Variants in TRPM4 observed in about 807,000 individuals in gnomAD.
TRPM4 encodes the protein transient receptor potential cation channel subfamily M member 4.
TRPM4 carries 124 observed loss-of-function variants against 135.6 expected under a neutral mutation model. That is an observed-to-expected ratio of 0.91 (90% CI 0.79 to 1.06). The LOEUF is 1.06. Among genes scored for constraint, TRPM4 ranks in the 50% least tolerant of loss-of-function variants. The probability of loss-of-function intolerance (pLI) is 0.00; values close to 1 mark genes in which losing one functional copy is unlikely to be tolerated. For synonymous variants in TRPM4, 745 were observed against 705.6 expected (o/e 1.06, Z -0.88); for missense variants, 1,658 against 1,671.4 (o/e 0.99, Z 0.14).
In TRPM4 at chr19:49,211,362, T is replaced by A; in HGVS notation, c.3640+93T>A. ...TCGGCACCTTTCCAGTGTCCCTGGG[T>A]CACTCTCTTGGTCTCCTTTGAGCCT... On this transcript the variant is annotated intron_variant, in intron 24 of 24. Transcript: ENST00000252826. This position sits in a 1 kb window ranked among gnomAD's most constrained non-coding sequence, Gnocchi z 4.8. 1 of 1,564,484 alleles carries A rather than the reference T, an allele frequency of 6.4e-7. No homozygotes were observed. Among genetic ancestry groups the A allele is most frequent in the Non-Finnish European group, 8.8e-7 (1 of 1,140,518 alleles).
chr19:49,208,309 A>C (rs1414513204), intron 20 of TRPM4, among the ~76,000 whole-genome samples: 1 of 176 alleles, frequency 5.7e-3, no homozygotes, highest in Non-Finnish European at 0.011. Flanking sequence ...GAGGTGGTGG[A>C]GCAGTCTTCT....
At chr19:49,192,891 T>C (rs1217527660) in intron 16 of TRPM4, among the ~76,000 whole-genome samples, 1 of 151,868 alleles carries the variant, frequency 6.6e-6, no homozygotes, top group Non-Finnish European at 1.5e-5. Context: ...AAAACTAAGA[T>C]AAACATTTGG....
At chr19:49,161,653 G>A (rs562544346) in intron 2 of TRPM4, among the ~76,000 whole-genome samples, 3 of 140,006 alleles carry the variant, frequency 2.1e-5, no homozygotes, top group Non-Finnish European at 3.1e-5. Context: ...TTTTTGAGAC[G>A]GAGTCTCGCT....
chr19:49,174,577 A>T (rs1045505462), intron 9 of TRPM4, among the ~76,000 whole-genome samples: 2 of 151,968 alleles, frequency 1.3e-5, no homozygotes, highest in Non-Finnish European at 2.9e-5. Flanking sequence ...CCTGGGCAGC[A>T]TGGTGAAATG....
intron 20 of TRPM4, among the ~76,000 whole-genome samples, chr19:49,204,497 G>T (rs1175147995): frequency 1.3e-5 from 2 of 151,552 alleles, no homozygotes; most frequent in African/African-American, 2.4e-5. Context: ...CACTTTGGGG[G>T]GCTGAGGTGG....
At chr19:49,185,307 G>A (rs1018807993) in intron 12 of TRPM4, among the ~76,000 whole-genome samples, 4 of 152,026 alleles carry the variant, frequency 2.6e-5, no homozygotes, top group African/African-American at 9.7e-5. Flanking sequence ...GGACTGCAGT[G>A]GTTTGACCAA....
chr19:49,182,818 G>C lies in TRPM4; in HGVS notation c.1504G>C (p.Asp502His), dbSNP rs1174450566. 1.2e-6 allele frequency: 2 copies of C among 1,613,314 alleles called. No individual in the cohort carries two copies. The highest frequency in any genetic ancestry group is 1.1e-5 in the South Asian group (1 of 90,998). The stretch of plus-strand genomic sequence containing the variant: ...GGGAGCTGCGGAGCTCCGGCCCCCT[G>C]ACGTGGGGCATGTGCTGAGGATGCT... Reference protein sequence around the residue: ...KGGAAELRPPDVGHVLRMLLG... With the variant: ...KGGAAELRPPHVGHVLRMLLG... Residue 502 changes from aspartate (D) to histidine (H), a missense_variant, in exon 11 of 25, where the codon GAC becomes CAC. By Grantham distance (81) the Asp-to-His change is moderately conservative. Around this residue, in one of 3 missense-constraint regions of TRPM4, gnomAD observed 1,412 missense variants for 1,408.7 expected, o/e 1.00. Coordinates refer to ENST00000252826, the MANE Select transcript of TRPM4 (RefSeq NM_017636.4).
chr19:49,197,328 CT>C (rs773453506), intron 17 of TRPM4, among the ~76,000 whole-genome samples: 1 of 118,900 alleles, frequency 8.4e-6, no homozygotes. Context: ...TTCTTTCTTT[CT>C]TTCTTTCTTT....
Position 49,203,326 on chromosome 19 carries a change from T to C in TRPM4, c.3131+1185T>C, listed in dbSNP as rs1035289861. On this transcript the variant is annotated intron_variant, in intron 20 of 24. Transcript: ENST00000252826. ...TCCCAAGTAGCTAGGACTACAGGCG[T>C]GCGCCACCACACCTGGCTAATTTTT... Among the ~76,000 whole-genome samples the C allele has an allele frequency of 8.6e-5, 13 of 151,854 alleles. No individual in the cohort carries two copies. The East Asian group carries it at 9.7e-4, about 11-fold the overall frequency.
At chr19:49,173,939 G>A (rs1967572912) in intron 9 of TRPM4, among the ~76,000 whole-genome samples, 1 of 151,978 alleles carries the variant, frequency 6.6e-6, no homozygotes, top group South Asian at 2.1e-4. Context: ...CAAAGTGCTG[G>A]GATTACAGGC....
In TRPM4 at chr19:49,200,695, C is replaced by T. The variant is rs1013171855; in HGVS notation, c.2863C>T (p.Arg955Trp). 5.6e-6 allele frequency: 9 copies of T among 1,613,930 alleles called. No homozygotes were observed. Among genetic ancestry groups the T allele is most frequent in the Non-Finnish European group, 7.6e-6 (9 of 1,180,026 alleles). The change falls in exon 19 of 25, where the codon CGG (arginine) becomes TGG (tryptophan). Residue 955 changes from arginine (R) to tryptophan (W), a missense_variant. Transcript: ENST00000252826. The part of the protein sequence containing the change: ...GVATEGLLRP[R>W]DSDFPSILRR... ...GGCCACGGAGGGGCTCCTGAGGCCACGGGACAGTGACTTCCCAAGTATCCT... is the reference window on the plus strand; with the variant it reads ...GGCCACGGAGGGGCTCCTGAGGCCATGGGACAGTGACTTCCCAAGTATCCT...
intron 2 of TRPM4, among the ~76,000 whole-genome samples, chr19:49,162,295 T>C (rs1460586554): frequency 6.6e-6 from 1 of 152,112 alleles, no homozygotes; most frequent in Non-Finnish European, 1.5e-5. Context: ...TCCCAGCAGT[T>C]TGAGAGGCCG....
At chr19:49,203,894 T>G (rs1969047585) in intron 20 of TRPM4, among the ~76,000 whole-genome samples, 2 of 151,824 alleles carry the variant, frequency 1.3e-5, no homozygotes, top group Middle Eastern at 3.4e-3. Context: ...TTGGGAGGCC[T>G]AGGCGGGTGG....
rs1301798938 is a variant in TRPM4, at chr19:49,182,700, A to C, written c.1386A>C (p.Gln462His). 1 of 1,614,024 alleles carries C rather than the reference A, an allele frequency of 6.2e-7. No individual in the cohort carries two copies. The highest frequency in any genetic ancestry group is 8.5e-7 in the Non-Finnish European group (1 of 1,179,942). Reference protein sequence around the residue: ...GHFLTPMRLAQLYSAAPSNSL... With the variant: ...GHFLTPMRLAHLYSAAPSNSL... ...TCCTGACCCCGATGCGCCTGGCCCA[A>C]CTCTACAGCGCGGCGCCCTCCAACT... Residue 462 changes from glutamine to histidine, a missense_variant, in exon 11 of 25, where the codon CAA becomes CAC. By Grantham distance (24) the Gln-to-His change is conservative (BLOSUM62 0). Transcript: ENST00000252826.
chr19:49,188,025 C>A (rs933301465), intron 12 of TRPM4, among the ~76,000 whole-genome samples: 2 of 152,120 alleles, frequency 1.3e-5, no homozygotes, highest in African/African-American at 2.4e-5. Context: ...ATTGGGGGAG[C>A]CAGAGGCTGC....
chr19:49,176,153 A>C (rs1044687212), intron 9 of TRPM4, among the ~76,000 whole-genome samples: 1 of 128,568 alleles, frequency 7.8e-6, no homozygotes, highest in Admixed American at 8.6e-5. Context: ...TGAACTCCTG[A>C]CCTCAGGTGA....
At chr19:49,159,524 C>T (rs551638694) in intron 2 of TRPM4, 2 of 152,058 alleles carry the variant, frequency 1.3e-5, no homozygotes, top group Admixed American at 1.3e-4. Flanking sequence ...GCTCTGTCGC[C>T]CAGGCTGGAG....
intron 20 of TRPM4, among the ~76,000 whole-genome samples, chr19:49,209,745 T>G (rs539464910): frequency 2.5e-5 from 3 of 121,846 alleles, no homozygotes; most frequent in East Asian, 2.2e-4. Context: ...TAAACTGACT[T>G]TTTTTTTTTT....
Position 49,211,294 on chromosome 19 carries a change from C to T in TRPM4, c.3640+25C>T. On this transcript the variant is annotated intron_variant, in intron 24 of 24. Transcript: ENST00000252826. The surrounding 1 kb of genome is among the most constrained non-coding windows in gnomAD (Gnocchi z 4.8). Reference sequence around the variant, plus strand: ...GGTCAGTGTGTAGCATCAGCCTGTGCATCTCCAGCCTCTGTTCCTGTATTT... The same window carrying T: ...GGTCAGTGTGTAGCATCAGCCTGTGTATCTCCAGCCTCTGTTCCTGTATTT... The T allele has an allele frequency of 6.4e-7, 1 of 1,572,368 alleles. No homozygotes were observed. The highest frequency in any genetic ancestry group is 8.6e-7 in the Non-Finnish European group (1 of 1,157,772).
Sources: gnomAD v4.1 joint callset for allele counts (sites outside exome capture counted in the v4.1 genomes callset) on GRCh38, gnomAD v4.1.1 for gene constraint, gnomAD v4.1.1 regional missense constraint, Gnocchi (gnomAD v3.1) non-coding constraint, MANE v1.5 for transcripts, NCBI Gene and HGNC (gene_info 2026-07-23, HGNC 2026-07-21) for gene names.